Variants in CLVS2 observed in about 807,000 individuals in gnomAD.
CLVS2 encodes clavesin-2.
CLVS2 carries 19 observed loss-of-function variants against 29.0 expected under a neutral mutation model. That is an observed-to-expected ratio of 0.66 (90% confidence interval 0.46 to 0.96). CLVS2 has a LOEUF of 0.96. CLVS2 is among the 40% of genes least tolerant of loss of function. The pLI, the probability that CLVS2 is intolerant of heterozygous loss-of-function variation, is 0.00. For synonymous variants in CLVS2, 161 were observed against 151.3 expected (o/e 1.06, Z -0.47); for missense variants, 294 against 404.1 (o/e 0.73, Z 2.34).
At chr6:123,036,281 C>A (rs568104231) in intron 3 of CLVS2, among the ~76,000 whole-genome samples, 1 of 152,208 alleles carries the variant, frequency 6.6e-6, no homozygotes, top group Non-Finnish European at 1.5e-5. Flanking sequence ...GTGATTATTA[C>A]TTTCCAATAA....
Position 123,040,174 on chromosome 6 carries a change from T to C in CLVS2, c.565-8448T>C, listed in dbSNP as rs116031988. ...AAGAATGATTTGTCAATAATTGGAA[T>C]AGGCCTCAGATTTTGAGATAGCCTA... On this transcript the variant is annotated intron_variant, in intron 3 of 5. Coordinates refer to ENST00000275162, the MANE Select transcript of CLVS2 (RefSeq NM_001010852.4). 4.4e-3 allele frequency among the ~76,000 whole-genome samples: 676 copies of C among 152,338 alleles called. 4 individuals are homozygous for C. Among genetic ancestry groups the C allele is most frequent in the African/African-American group, 0.016 (652 of 41,578 alleles).
intron 3 of CLVS2, among the ~76,000 whole-genome samples, chr6:123,014,188 G>A (rs1227372828): frequency 6.6e-6 from 1 of 152,056 alleles, no homozygotes; most frequent in African/African-American, 2.4e-5. Context: ...GTAATGGGAT[G>A]GCTGGGTCAA....
intron 5 of CLVS2, among the ~76,000 whole-genome samples, chr6:123,061,675 T>C (rs1249923487): frequency 6.6e-6 from 1 of 152,162 alleles, no homozygotes; most frequent in East Asian, 1.9e-4. Context: ...AATATTTTGT[T>C]AAAAATGTCA....
intron 2 of CLVS2, among the ~76,000 whole-genome samples, chr6:123,009,338 T>C (rs866178886): frequency 6.6e-6 from 1 of 152,186 alleles, no homozygotes; most frequent in Middle Eastern, 3.4e-3. Flanking sequence ...TCTGACACCA[T>C]GCCCTGTGCT....
intron 3 of CLVS2, among the ~76,000 whole-genome samples, chr6:123,046,620 C>A (rs1772517232): frequency 1.3e-5 from 2 of 150,646 alleles, no homozygotes; most frequent in African/African-American, 2.5e-5. Flanking sequence ...GATTGCGCCA[C>A]TGCACTCTAG....
At chr6:123,021,690 A>T (rs1247289660) in intron 3 of CLVS2, among the ~76,000 whole-genome samples, 1 of 152,094 alleles carries the variant, frequency 6.6e-6, no homozygotes, top group Admixed American at 6.6e-5. Context: ...ACAATCAGGA[A>T]ATTGGCATTG....
intron 4 of CLVS2, 70 bp from the exon 5 acceptor site, chr6:123,055,736 C>G (rs1247822312): frequency 1.8e-6 from 2 of 1,085,800 alleles, no homozygotes; most frequent in African/African-American, 3.1e-5. Context: ...TCACATCCCC[C>G]CTGTAGGATT....
intron 5 of CLVS2, among the ~76,000 whole-genome samples, chr6:123,057,377 A>G (rs1261749376): frequency 1.8e-5 from 2 of 112,752 alleles, no homozygotes; most frequent in African/African-American, 7.0e-5. Flanking sequence ...AGATGAGTCT[A>G]GCTCTGTCTC....
At chr6:123,043,179 T>C (rs1201597077) in intron 3 of CLVS2, among the ~76,000 whole-genome samples, 3 of 152,170 alleles carry the variant, frequency 2.0e-5, no homozygotes, top group African/African-American at 7.2e-5. Context: ...AAGTTTCATA[T>C]CATCTATATA....
intron 3 of CLVS2, among the ~76,000 whole-genome samples, chr6:123,045,142 GACACACAC>G (rs112529316): frequency 6.8e-6 from 1 of 146,990 alleles, no homozygotes; most frequent in South Asian, 2.2e-4. Flanking sequence ...CCTCTTTTGG[GACACACAC>G]ACACACACAC....
At chr6:123,048,149 A>C (rs1772543782) in intron 3 of CLVS2, among the ~76,000 whole-genome samples, 1 of 152,118 alleles carries the variant, frequency 6.6e-6, no homozygotes, top group Non-Finnish European at 1.5e-5. Context: ...AGATAAAGAG[A>C]ATAAAATGAG....
Position 123,026,405 on chromosome 6 carries a change from A to C in CLVS2, c.564+15246A>C, listed in dbSNP as rs374747113. ...AGTAAAGCAAATTATTTTGCAAATA[A>C]ATATACAATGCATTATGTTAAAAAG... On this transcript the variant is annotated intron_variant, in intron 3 of 5. Coordinates refer to ENST00000275162, the MANE Select transcript of CLVS2 (RefSeq NM_001010852.4). 9.8e-5 allele frequency among the ~76,000 whole-genome samples: 15 copies of C among 152,306 alleles called. No individual in the cohort carries two copies. In the East Asian group the frequency reaches 1.4e-3, roughly 14 times the overall value.
intron 3 of CLVS2, among the ~76,000 whole-genome samples, chr6:123,040,662 G>A (rs1317931861): frequency 2.0e-5 from 3 of 151,828 alleles, no homozygotes; most frequent in Admixed American, 2.0e-4. Context: ...GCGTAGTGGC[G>A]GGTACCTGTA....
chr6:122,997,740 A>T lies in CLVS2; in HGVS notation c.-38A>T, dbSNP rs778131924. The T allele has an allele frequency of 5.0e-6, 8 of 1,597,476 alleles. No individual in the cohort carries two copies. Among genetic ancestry groups the T allele is most frequent in the Non-Finnish European group, 6.8e-6 (8 of 1,172,168 alleles). On this transcript the variant is annotated 5_prime_UTR_variant, in exon 2 of 6. Coordinates refer to ENST00000275162, the MANE Select transcript of CLVS2 (RefSeq NM_001010852.4). The stretch of plus-strand genomic sequence containing the variant: ...CCAGGTTTGCTTTGGGACAGTCAAC[A>T]AGGTCTTCTGAGGGAAAGCTCAGAG...
chr6:123,028,323 A>C (rs1775032045), intron 3 of CLVS2, among the ~76,000 whole-genome samples: 1 of 152,218 alleles, frequency 6.6e-6, no homozygotes, highest in Admixed American at 6.6e-5. Context: ...GAATCTTAGA[A>C]TTTTAGCATT....
intron 3 of CLVS2, among the ~76,000 whole-genome samples, chr6:123,047,568 A>G (rs1772536035): frequency 6.6e-6 from 1 of 152,188 alleles, no homozygotes; most frequent in African/African-American, 2.4e-5. Context: ...ATATTTTTAT[A>G]GGGTTATGCC....
intron 3 of CLVS2, among the ~76,000 whole-genome samples, chr6:123,022,581 C>T (rs1352856270): frequency 1.3e-5 from 2 of 152,014 alleles, no homozygotes; most frequent in Non-Finnish European, 2.9e-5. Context: ...ACTCTTCGAT[C>T]TGGATCCCCA....
chr6:123,031,756 A>G (rs1775086515), intron 3 of CLVS2, among the ~76,000 whole-genome samples: 1 of 151,928 alleles, frequency 6.6e-6, no homozygotes, highest in African/African-American at 2.4e-5. Context: ...CTCTGCTGCT[A>G]AGACACCCAG....
intron 2 of CLVS2, 117 bp downstream of exon 2, chr6:122,998,283 A>G: frequency 7.8e-7 from 1 of 1,273,924 alleles, no homozygotes; most frequent in African/African-American, 1.5e-5. Flanking sequence ...CTTGGAGAAA[A>G]GAGAAACAAA....
Sources: allele counts gnomAD v4.1 joint callset (sites outside exome capture counted in the v4.1 genomes callset), GRCh38; gene constraint gnomAD v4.1.1; transcripts MANE v1.5; gene names NCBI Gene and HGNC (gene_info 2026-07-23, HGNC 2026-07-21).